IGFN1: variants seen among roughly 807,000 people sequenced by gnomAD.
IGFN1 encodes immunoglobulin like and fibronectin type III domain containing 1.
IGFN1 carries 253 observed loss-of-function variants against 289.5 expected under a neutral mutation model. The observed-to-expected ratio is 0.87, with a 90% confidence interval of 0.79 to 0.97. The LOEUF (loss-of-function observed/expected upper bound fraction) is 0.97, where lower values mean the gene tolerates loss of function less well. Ranked by LOEUF, IGFN1 falls within the 50% of genes least tolerant of loss-of-function variation. The pLI is 0.00. For synonymous variants in IGFN1, 1,706 were observed against 1,788.5 expected (o/e 0.95, Z 1.16); for missense variants, 4,470 against 4,686.1 (o/e 0.95, Z 1.35).
At chr1:201,204,269 C>T (rs572462324) in intron 10 of IGFN1, among the ~76,000 whole-genome samples, 1 of 148,302 alleles carries the variant, frequency 6.7e-6, no homozygotes, top group Non-Finnish European at 1.5e-5. Context: ...TCCCACAACA[C>T]CCTAGCAAGA....
chr1:201,197,819 G>A (rs1666983168), intron 5 of IGFN1, among the ~76,000 whole-genome samples: 1 of 152,174 alleles, frequency 6.6e-6, no homozygotes, highest in African/African-American at 2.4e-5. Flanking sequence ...GAGGAAGCAG[G>A]TCTAGTCTCG....
In IGFN1 at chr1:201,212,131, G is replaced by A; in HGVS notation, c.7238G>A (p.Arg2413Lys). 1 of 1,536,550 alleles carries A rather than the reference G, an allele frequency of 6.5e-7. No individual in the cohort carries two copies. Among genetic ancestry groups the A allele is most frequent in the South Asian group, 1.2e-5 (1 of 84,064 alleles). Residue 2413 changes from arginine to lysine, a missense_variant, in exon 12 of 24, where the codon AGG (arginine) becomes AAG (lysine). Transcript: ENST00000335211. ...GGTCCAGAGCGAGCCAGGGAAACCA[G>A]GCTTGTGGATGGGGCAGGACCTGGG... The part of the protein sequence containing the change: ...KDGPERARET[R>K]LVDGAGPGVE...
rs1667798306 is a variant in IGFN1 at position 201,211,543 on chromosome 1, A to C, written c.6650A>C (p.Asp2217Ala). Residue 2217 changes from aspartate (D) to alanine (A), a missense_variant, in exon 12 of 24, where the codon GAT becomes GCT. By Grantham distance (126) the Asp-to-Ala change is moderately radical. Transcript: ENST00000335211. ...GSVNKAGYRK[D>A]LGAPKGMGSG... ...GTGAATAAGGCAGGTTATAGGAAGG[A>C]TTTGGGGGCTCCTAAGGGAATGGGT... is the stretch of plus-strand genomic sequence containing the variant. 3 of 1,520,348 alleles carry C rather than the reference A, an allele frequency of 2.0e-6. No individual in the cohort carries two copies. The highest frequency in any genetic ancestry group is 2.6e-6 in the Non-Finnish European group (3 of 1,138,606). The allele number at this position is 1,520,348 out of a possible 1,614,324, so 94.2% of individuals were successfully genotyped here.
Position 201,212,419 on chromosome 1 carries a change from C to T in IGFN1, c.7526C>T (p.Pro2509Leu). 1 of 1,536,948 alleles carries T rather than the reference C, an allele frequency of 6.5e-7. No individual in the cohort carries two copies. The highest frequency in any genetic ancestry group is 1.2e-5 in the South Asian group (1 of 84,044). The change falls in exon 12 of 24, where the codon CCC becomes CTC. Residue 2509 changes from proline to leucine, a missense_variant. Pro to Leu is a moderately conservative substitution (Grantham distance 98, BLOSUM62 -3). Transcript: ENST00000335211. Reference protein sequence around the residue: ...TPGSSRDRGAPRVKDRSPDQA... With the variant: ...TPGSSRDRGALRVKDRSPDQA... The stretch of plus-strand genomic sequence containing the variant: ...GGGTCTTCTAGAGACAGAGGGGCTC[C>T]CAGGGTGAAGGATAGGTCTCCAGAC...
At chr1:201,196,123 A>C in intron 4 of IGFN1, 145 bp downstream of exon 4, 1 of 807,630 alleles carries the variant, frequency 1.2e-6, no homozygotes, top group Non-Finnish European at 1.8e-6. Context: ...CTCGTGACTC[A>C]AAGTTGCCTG....
chr1:201,227,249 C>A, intron 23 of IGFN1, 41 bp downstream of exon 23: 1 of 1,486,214 alleles, frequency 6.7e-7, no homozygotes, highest in Non-Finnish European at 9.1e-7. Flanking sequence ...GAAGGAGAGC[C>A]AGGAGAGCAA....
At chr1:201,204,151 T>C (rs144313607) in intron 10 of IGFN1, among the ~76,000 whole-genome samples, 1 of 152,342 alleles carries the variant, frequency 6.6e-6, no homozygotes, top group Non-Finnish European at 1.5e-5. Context: ...ACATAGAACA[T>C]ATGTGTCATG....
At chr1:201,222,487 C>A in intron 19 of IGFN1, 1 of 416,288 alleles carries the variant, frequency 2.4e-6, no homozygotes. Context: ...CTAGTCCACC[C>A]CTCTCCCTGC....
Position 201,213,152 on chromosome 1 carries a change from G to A in IGFN1, c.8259G>A (p.Arg2753=), listed in dbSNP as rs1340333081. The A allele has an allele frequency of 6.4e-7, 1 of 1,551,660 alleles. No individual in the cohort carries two copies. Among genetic ancestry groups the A allele is most frequent in the South Asian group, 1.2e-5 (1 of 84,066 alleles). ...GPFGRKASRD[R]SGGTQDLSSQ... ...TTGGCAGAAAAGCCTCTAGAGATAG[G>A]TCAGGAGGGACCCAGGACCTGAGCT... is the stretch of plus-strand genomic sequence containing the variant. Residue 2753 remains arginine (R), a synonymous_variant, in exon 12 of 24, where the codon AGG becomes AGA. Transcript: ENST00000335211.
Position 201,207,782 on chromosome 1 carries a change from G to C in IGFN1, c.2889G>C (p.Arg963Ser). 1 of 1,536,276 alleles carries C rather than the reference G, an allele frequency of 6.5e-7. No homozygotes were observed. Among genetic ancestry groups the C allele is most frequent in the Non-Finnish European group, 8.7e-7 (1 of 1,146,518 alleles). ...SRYEGGLGYSREISSKSGAGY... is the reference protein window; with the variant it reads ...SRYEGGLGYSSEISSKSGAGY... ...ACGAGGGTGGCTTAGGATATTCTAG[G>C]GAAATAAGCTCTAAAAGCGGGGCTG... Residue 963 changes from arginine (R) to serine (S), a missense_variant, in exon 12 of 24, where the codon AGG becomes AGC. Arg to Ser is a moderately radical substitution (Grantham distance 110). Around this residue, in one of 8 missense-constraint regions of IGFN1, gnomAD observed 2,011 missense variants for 1,953.4 expected, o/e 1.03. Coordinates refer to ENST00000335211, the MANE Select transcript of IGFN1 (RefSeq NM_001164586.2).
intron 20 of IGFN1, among the ~76,000 whole-genome samples, chr1:201,224,190 G>A (rs1390189074): frequency 6.6e-6 from 1 of 152,174 alleles, no homozygotes; most frequent in African/African-American, 2.4e-5. Flanking sequence ...TTCAAGGCCA[G>A]GACACCGCAA....
Position 201,228,587 on chromosome 1 carries a change from G to A in IGFN1, c.*188G>A. The A allele has an allele frequency of 1.5e-6, 1 of 648,956 alleles. No homozygotes were observed. Among genetic ancestry groups the A allele is most frequent in the East Asian group, 2.7e-5 (1 of 37,036 alleles). 40.2% of individuals were successfully genotyped at this position (648,956 alleles called of 1,614,324 possible). ...CTTGGGGAAGAAAAACAAGGGAGGA[G>A]GGCATTCCACCTCCTGGCTCCAAGC... is the stretch of plus-strand genomic sequence containing the variant. On this transcript the variant is annotated 3_prime_UTR_variant, in exon 24 of 24. Coordinates refer to ENST00000335211, the MANE Select transcript of IGFN1 (RefSeq NM_001164586.2).
At position 201,214,190 on chromosome 1, in the gene IGFN1, C is replaced by A; in HGVS notation, c.8742C>A (p.His2914Gln). 1.2e-6 allele frequency: 2 copies of A among 1,612,768 alleles called. No individual in the cohort carries two copies. Among genetic ancestry groups the A allele is most frequent in the Non-Finnish European group, 1.7e-6 (2 of 1,179,358 alleles). Residue 2914 changes from histidine to glutamine, a missense_variant, in exon 13 of 24, where the codon CAC (histidine) becomes CAA (glutamine). His to Gln is a conservative substitution (Grantham distance 24, BLOSUM62 0). Coordinates refer to ENST00000335211, the MANE Select transcript of IGFN1 (RefSeq NM_001164586.2). ...GTGTCTCTCCAGGCCCCATGGGCCA[C>A]TTCTCCCAGGGCCTGGCTGACATGG... ...FSKDAQGPMG[H>Q]FSQGLADMEV... is the part of the protein sequence containing the mutation.
At position 201,216,717 on chromosome 1, in the gene IGFN1, G is replaced by T. The variant is rs769015305; in HGVS notation, c.9559G>T (p.Ala3187Ser). ...TGTGACCTCAGAGGGGGCTGGCGAG[G>T]CCCTGGAGTCTGAGGAGATATTGGT... ...RAVTSEGAGEALESEEILVAP... is the reference protein window; with the variant it reads ...RAVTSEGAGESLESEEILVAP... The change falls in exon 16 of 24, where the codon GCC becomes TCC. Residue 3187 changes from alanine to serine, a missense_variant. Physicochemically the swap from Ala to Ser is moderately conservative, Grantham distance 99 (BLOSUM62 1). Around this residue, in one of 8 missense-constraint regions of IGFN1, gnomAD observed 2,218 missense variants for 2,114.1 expected, o/e 1.05. Coordinates refer to ENST00000335211, the MANE Select transcript of IGFN1 (RefSeq NM_001164586.2). The T allele has an allele frequency of 3.7e-6, 6 of 1,612,876 alleles. No homozygotes were observed. In the African/African-American group the frequency reaches 4.0e-5, roughly 11 times the overall value.
At position 201,213,014 on chromosome 1, in the gene IGFN1, A is replaced by G; in HGVS notation, c.8121A>G (p.Ala2707=). 1.3e-6 allele frequency: 2 copies of G among 1,551,574 alleles called. No homozygotes were observed. The highest frequency in any genetic ancestry group is 1.2e-5 in the South Asian group (1 of 84,068). The change falls in exon 12 of 24, where the codon GCA becomes GCG. Residue 2707 remains alanine, a synonymous_variant. Transcript: ENST00000335211. The part of the protein sequence containing the change: ...SSPGRGSSVD[A]EDSGILGKGN... Reference sequence around the variant, plus strand: ...CTGGAAGGGGCAGTTCTGTTGATGCAGAGGACTCAGGTATCCTGGGCAAGG... The same window carrying G: ...CTGGAAGGGGCAGTTCTGTTGATGCGGAGGACTCAGGTATCCTGGGCAAGG...
At chr1:201,193,542 C>T (rs1048090156) in intron 2 of IGFN1, among the ~76,000 whole-genome samples, 2 of 152,170 alleles carry the variant, frequency 1.3e-5, no homozygotes, top group Non-Finnish European at 2.9e-5. Flanking sequence ...ACCTCCACCT[C>T]CCAGGTTCAA....
Position 201,207,563 on chromosome 1 carries a change from A to G in IGFN1, c.2670A>G (p.Leu890=). 1 of 1,536,962 alleles carries G rather than the reference A, an allele frequency of 6.5e-7. No individual in the cohort carries two copies. Among genetic ancestry groups the G allele is most frequent in the African/African-American group, 1.4e-5 (1 of 73,128 alleles). Reference sequence around the variant, plus strand: ...GGGTGGATGCCAGAAGCCACTGGCTAAGTAGGGCTCCAGGCCTGGGTGCTC... The same window carrying G: ...GGGTGGATGCCAGAAGCCACTGGCTGAGTAGGGCTCCAGGCCTGGGTGCTC... The part of the protein sequence containing the change: ...GQGVDARSHW[L]SRAPGLGAQG... Residue 890 remains leucine (L), a synonymous_variant, in exon 12 of 24, where the codon CTA becomes CTG. Transcript: ENST00000335211.
chr1:201,200,271 G>A lies in IGFN1; in HGVS notation c.493G>A (p.Glu165Lys), dbSNP rs1184152439. ...PPAPKKKMDL[E>K]QIWQLLMTAD... is the part of the protein sequence containing the mutation. ...AGCCCCCAAGAAAAAGATGGACCTT[G>A]AGCAGATATGGCAGCTGCTGATGAC... is the stretch of plus-strand genomic sequence containing the variant. The change falls in exon 8 of 24, where the codon GAG becomes AAG. Residue 165 changes from glutamate (E) to lysine (K), a missense_variant. Physicochemically the swap from Glu to Lys is moderately conservative, Grantham distance 56. Around this residue, in one of 8 missense-constraint regions of IGFN1, gnomAD observed 2,011 missense variants for 1,953.4 expected, o/e 1.03. Transcript: ENST00000335211. The A allele has an allele frequency of 4.5e-6, 7 of 1,551,744 alleles. No individual in the cohort carries two copies. The Admixed American group carries it at 1.2e-4, about 26-fold the overall frequency.
Position 201,209,774 on chromosome 1 carries a change from T to C in IGFN1, c.4881T>C (p.Ser1627=). The C allele has an allele frequency of 8.0e-7, 1 of 1,249,740 alleles. No homozygotes were observed. The highest frequency in any genetic ancestry group is 1.1e-6 in the Non-Finnish European group (1 of 909,488). The allele number at this position is 1,249,740 out of a possible 1,614,324, so 77.4% of individuals were successfully genotyped here. Reference sequence around the variant, plus strand: ...GTTTTAGGGATGGTTTAGGGGGTTCTGAAGAAATGGGGTCAGTGAATAAGG... The same window carrying C: ...GTTTTAGGGATGGTTTAGGGGGTTCCGAAGAAATGGGGTCAGTGAATAAGG... The part of the protein sequence containing the change: ...KAGFRDGLGG[S]EEMGSVNKAG... The change falls in exon 12 of 24, where the codon TCT becomes TCC. Residue 1627 remains serine (S), a synonymous_variant. Coordinates refer to ENST00000335211, the MANE Select transcript of IGFN1 (RefSeq NM_001164586.2).
Sources: allele counts gnomAD v4.1 joint callset (sites outside exome capture counted in the v4.1 genomes callset), GRCh38; gene constraint gnomAD v4.1.1; regional missense constraint gnomAD v4.1.1; transcripts MANE v1.5; gene names NCBI Gene and HGNC (gene_info 2026-07-23, HGNC 2026-07-21).